Variants in FHIT observed in about 807,000 individuals in gnomAD.
FHIT encodes fragile histidine triad diadenosine triphosphatase.
A neutral mutation model predicts 17.9 loss-of-function variants in FHIT; 19 were observed. That is an observed-to-expected ratio of 1.06 (90% CI 0.74 to 1.56). The LOEUF is 1.56. FHIT is among the 40% of genes most tolerant of loss of function. The pLI, the probability that FHIT is intolerant of heterozygous loss-of-function variation, is 0.00. For missense variants in FHIT, 248 were observed against 189.2 expected, an observed-to-expected ratio of 1.31 and a Z score of -1.82; for synonymous variants, 81 against 69.7, an observed-to-expected ratio of 1.16 and a Z score of -0.81.
chr3:60,039,870 T>C (rs1701365515), intron 5 of FHIT, among the ~76,000 whole-genome samples: 1 of 152,214 alleles, frequency 6.6e-6, no homozygotes, highest in African/African-American at 2.4e-5. Flanking sequence ...AGAGTCTAAA[T>C]GTCCTCATCT....
chr3:60,492,849 A>G (rs961082683), intron 5 of FHIT, among the ~76,000 whole-genome samples: 2 of 152,088 alleles, frequency 1.3e-5, no homozygotes, highest in Non-Finnish European at 2.9e-5. Flanking sequence ...TGCACAAAAG[A>G]TTTAGTGCAT....
chr3:61,249,654 T>C (rs2040565801), intron 1 of FHIT, among the ~76,000 whole-genome samples: 1 of 152,176 alleles, frequency 6.6e-6, no homozygotes, highest in Non-Finnish European at 1.5e-5. Flanking sequence ...AAAGTTGATA[T>C]AAAAATGGTT....
intron 8 of FHIT, among the ~76,000 whole-genome samples, chr3:59,907,736 T>C (rs767767609): frequency 6.6e-6 from 1 of 152,236 alleles, no homozygotes; most frequent in Non-Finnish European, 1.5e-5. Flanking sequence ...ACAAACTCAG[T>C]GGCTTAAAAC....
At chr3:60,407,111 A>G (rs1311105273) in intron 5 of FHIT, among the ~76,000 whole-genome samples, 1 of 133,242 alleles carries the variant, frequency 7.5e-6, no homozygotes, top group Non-Finnish European at 1.6e-5. Context: ...GCTAAATAGA[A>G]TCTACTTTTG....
chr3:60,791,203 C>T (rs1700765648), intron 4 of FHIT, among the ~76,000 whole-genome samples: 1 of 151,998 alleles, frequency 6.6e-6, no homozygotes, highest in African/African-American at 2.4e-5. Context: ...AAGCAACAAC[C>T]TTTTCACCTG....
At chr3:61,049,045 C>G (rs1453640416) in intron 2 of FHIT, among the ~76,000 whole-genome samples, 7 of 151,832 alleles carry the variant, frequency 4.6e-5, no homozygotes, top group Non-Finnish European at 1.0e-4. Flanking sequence ...TTAATGGGTG[C>G]AGCACATCAA....
chr3:61,111,462 G>A (rs750605308), intron 2 of FHIT, among the ~76,000 whole-genome samples: 1 of 152,176 alleles, frequency 6.6e-6, no homozygotes, highest in Non-Finnish European at 1.5e-5. Context: ...ACAGGGCTGT[G>A]AGGACATCTA....
intron 1 of FHIT, among the ~76,000 whole-genome samples, chr3:61,234,393 A>C (rs1378615696): frequency 1.3e-5 from 2 of 152,242 alleles, no homozygotes; most frequent in Admixed American, 1.3e-4. Flanking sequence ...TTAAAAAATA[A>C]TGTCATGTTC....
chr3:60,913,785 T>C (rs559061358), intron 3 of FHIT, among the ~76,000 whole-genome samples: 1 of 152,098 alleles, frequency 6.6e-6, no homozygotes, highest in East Asian at 1.9e-4. Flanking sequence ...GCTGGGACAG[T>C]TGGGGGCTGG....
At chr3:60,729,022 C>T (rs782696473) in intron 4 of FHIT, among the ~76,000 whole-genome samples, 1 of 152,100 alleles carries the variant, frequency 6.6e-6, no homozygotes, top group African/African-American at 2.4e-5. Context: ...TTTCGTTTTA[C>T]ACAAAACAAA....
At chr3:60,809,656 C>T (rs1701510002) in intron 4 of FHIT, among the ~76,000 whole-genome samples, 2 of 152,164 alleles carry the variant, frequency 1.3e-5, no homozygotes, top group Admixed American at 6.5e-5. Flanking sequence ...TTCCTGGGCC[C>T]TGACCCCAAA....
intron 5 of FHIT, among the ~76,000 whole-genome samples, chr3:60,453,330 C>A (rs2031871712): frequency 6.6e-6 from 1 of 151,942 alleles, no homozygotes; most frequent in South Asian, 2.1e-4. Flanking sequence ...AAAAATGGTT[C>A]TATCAAAATT....
intron 9 of FHIT, chr3:59,750,778 T>A (rs1700853427): frequency 4.7e-6 from 1 of 211,500 alleles, no homozygotes; most frequent in African/African-American, 2.3e-5. Context: ...TGCACATATA[T>A]TTAAAGCTAT....
chr3:60,601,903 T>G (rs1553668900), intron 4 of FHIT, among the ~76,000 whole-genome samples: 2 of 146,444 alleles, frequency 1.4e-5, no homozygotes, highest in African/African-American at 4.9e-5. Context: ...CAATAAAAAC[T>G]TAATTAATTC....
intron 1 of FHIT, among the ~76,000 whole-genome samples, chr3:61,226,401 C>T (rs1413274582): frequency 2.6e-5 from 4 of 152,142 alleles, no homozygotes; most frequent in Non-Finnish European, 5.9e-5. Flanking sequence ...GATATGGTTA[C>T]TTTCAATTAC....
At chr3:60,007,091 T>C (rs138609750) in intron 7 of FHIT, among the ~76,000 whole-genome samples, 2 of 152,234 alleles carry the variant, frequency 1.3e-5, no homozygotes, top group East Asian at 1.9e-4. Context: ...GCAAGCATAA[T>C]CTATAAACAG....
Position 60,860,232 on chromosome 3 carries a change from G to C in FHIT, c.-110-38221C>G, listed in dbSNP as rs567131543. Among the ~76,000 whole-genome samples, 12 of 110,436 alleles carry C rather than the reference G, an allele frequency of 1.1e-4. 1 individual carries two copies. Among genetic ancestry groups the C allele is most frequent in the Non-Finnish European group, 1.7e-4 (9 of 53,636 alleles). 72.5% of individuals were successfully genotyped at this position (110,436 alleles called of 152,430 possible). On this transcript the variant is annotated intron_variant, in intron 3 of 9. Coordinates refer to ENST00000492590, the MANE Select transcript of FHIT (RefSeq NM_002012.4). ...ATGGTATACATGAGATACATCATATGTATATATGGTATACATGAGATACAT... is the reference window on the plus strand; with the variant it reads ...ATGGTATACATGAGATACATCATATCTATATATGGTATACATGAGATACAT...
chr3:60,403,081 T>C (rs1297409166), intron 5 of FHIT, among the ~76,000 whole-genome samples: 1 of 152,220 alleles, frequency 6.6e-6, no homozygotes, highest in Non-Finnish European at 1.5e-5. Context: ...ACAGAGAAGA[T>C]AATGGAAGCC....
At chr3:60,302,184 T>C (rs1173793734) in intron 5 of FHIT, among the ~76,000 whole-genome samples, 1 of 152,130 alleles carries the variant, frequency 6.6e-6, no homozygotes, top group Non-Finnish European at 1.5e-5. Context: ...TTGAAGATAT[T>C]GGTCATTCTT....
Sources: gnomAD v4.1 joint callset for allele counts (sites outside exome capture counted in the v4.1 genomes callset) on GRCh38, gnomAD v4.1.1 for gene constraint, MANE v1.5 for transcripts, NCBI Gene and HGNC (gene_info 2026-07-23, HGNC 2026-07-21) for gene names.